COX7B2: variants seen among roughly 807,000 people sequenced by gnomAD.
The protein encoded by COX7B2 is cytochrome c oxidase subunit 7B2, mitochondrial.
For synonymous variants in COX7B2, 37 were observed against 32.1 expected (o/e 1.15, Z -0.51); for missense variants, 109 against 95.9 (o/e 1.14, Z -0.57).
chr4:46,871,689 T>C (rs1425516147), intron 1 of COX7B2, among the ~76,000 whole-genome samples: 2 of 150,546 alleles, frequency 1.3e-5, no homozygotes, highest in African/African-American at 4.9e-5. Context: ...CAGACACTTT[T>C]CAAAAGAAGA....
At chr4:46,855,225 G>T (rs1194997589) in intron 1 of COX7B2, among the ~76,000 whole-genome samples, 4 of 152,034 alleles carry the variant, frequency 2.6e-5, no homozygotes, top group Admixed American at 6.6e-5. Flanking sequence ...TACTCAGGAG[G>T]CTGAAGCAGG....
At chr4:46,767,266 C>T (rs1160390929) in intron 2 of COX7B2, among the ~76,000 whole-genome samples, 2 of 152,168 alleles carry the variant, frequency 1.3e-5, no homozygotes, top group East Asian at 3.9e-4. Flanking sequence ...GAAAGACAAA[C>T]AATGTTACTA....
chr4:46,806,160 C>A (rs868113856), intron 2 of COX7B2, among the ~76,000 whole-genome samples: 1 of 151,976 alleles, frequency 6.6e-6, no homozygotes, highest in Non-Finnish European at 1.5e-5. Context: ...TTTTAATGTA[C>A]TGGCCCTAAA....
chr4:46,854,824 C>G (rs1013801446), intron 1 of COX7B2, among the ~76,000 whole-genome samples: 2 of 151,968 alleles, frequency 1.3e-5, no homozygotes, highest in African/African-American at 4.8e-5. Context: ...AAATTAATGA[C>G]TTGAAAAGAG....
intron 2 of COX7B2, among the ~76,000 whole-genome samples, chr4:46,743,172 C>T (rs1714814213): frequency 6.6e-6 from 1 of 152,126 alleles, no homozygotes; most frequent in African/African-American, 2.4e-5. Flanking sequence ...TTCAAGTAGG[C>T]CCAACACATT....
At chr4:46,754,271 T>G (rs1468098307) in intron 2 of COX7B2, among the ~76,000 whole-genome samples, 1 of 151,700 alleles carries the variant, frequency 6.6e-6, no homozygotes, top group Non-Finnish European at 1.5e-5. Flanking sequence ...CACGTATGTT[T>G]ATTGCAGCAC....
chr4:46,761,865 G>A (rs1402248885), intron 2 of COX7B2, among the ~76,000 whole-genome samples: 4 of 151,452 alleles, frequency 2.6e-5, no homozygotes, highest in African/African-American at 7.3e-5. Context: ...AAATTCCACC[G>A]TCCATTAAGG....
intron 2 of COX7B2, among the ~76,000 whole-genome samples, chr4:46,754,259 C>G (rs1469648471): frequency 1.2e-4 from 18 of 151,648 alleles, no homozygotes; most frequent in African/African-American, 4.4e-4. Flanking sequence ...AAGACACATG[C>G]ACACGTATGT....
chr4:46,866,845 G>A (rs1717696949), intron 1 of COX7B2, among the ~76,000 whole-genome samples: 1 of 151,984 alleles, frequency 6.6e-6, no homozygotes, highest in Non-Finnish European at 1.5e-5. Flanking sequence ...TACCTGCTGT[G>A]GATATATTAA....
chr4:46,738,506 CA>C (rs1714506316), intron 2 of COX7B2, among the ~76,000 whole-genome samples: 1 of 152,058 alleles, frequency 6.6e-6, no homozygotes, highest in South Asian at 2.1e-4. Flanking sequence ...GCATCAGCTA[CA>C]TCCGTCTCAA....
chr4:46,796,305 T>A (rs1718339265), intron 2 of COX7B2, among the ~76,000 whole-genome samples: 1 of 148,384 alleles, frequency 6.7e-6, no homozygotes, highest in Non-Finnish European at 1.5e-5. Context: ...GCTTCCAGTT[T>A]TTGCCCATTT....
intron 2 of COX7B2, among the ~76,000 whole-genome samples, chr4:46,766,706 G>GAAAAAAAAAA (rs57884969): frequency 1.0e-5 from 1 of 96,588 alleles, no homozygotes; most frequent in African/African-American, 4.1e-5. Flanking sequence ...GTCTCGAAAA[G>GAAAAAAAAAA]AAAAAAAAAA....
intron 2 of COX7B2, among the ~76,000 whole-genome samples, chr4:46,786,235 G>C (rs1278301601): frequency 6.6e-6 from 1 of 152,072 alleles, no homozygotes; most frequent in Non-Finnish European, 1.5e-5. Context: ...ATTTACTTTT[G>C]CACCTAAAAT....
At position 46,904,365 on chromosome 4, in the gene COX7B2, T is replaced by A. The variant is rs1355584247; in HGVS notation, c.-105+4795A>T. 1.2e-4 allele frequency among the ~76,000 whole-genome samples: 18 copies of A among 152,040 alleles called. 1 individual carries two copies. The highest frequency in any genetic ancestry group is 1.1e-3 in the Admixed American group (17 of 15,270). Reference sequence around the variant, plus strand: ...AGAACTCAAATGGAGATAACAGTAATAAATTCCTAAAAATGGTCAAAAAAA... The same window carrying A: ...AGAACTCAAATGGAGATAACAGTAAAAAATTCCTAAAAATGGTCAAAAAAA... On this transcript the variant is annotated intron_variant, in intron 1 of 2. Transcript: ENST00000355591.
intron 2 of COX7B2, among the ~76,000 whole-genome samples, chr4:46,805,166 C>A (rs1199533121): frequency 6.6e-6 from 1 of 152,194 alleles, no homozygotes; most frequent in Non-Finnish European, 1.5e-5. Flanking sequence ...CCCACCCATG[C>A]CTCTCCCTCC....
chr4:46,830,662 A>G (rs1216769803), intron 2 of COX7B2, among the ~76,000 whole-genome samples: 4 of 152,188 alleles, frequency 2.6e-5, no homozygotes, highest in African/African-American at 9.6e-5. Context: ...TAATAGAAAA[A>G]CCTTGAAATC....
intron 2 of COX7B2, among the ~76,000 whole-genome samples, chr4:46,770,720 A>G (rs1716828190): frequency 1.3e-5 from 2 of 152,164 alleles, no homozygotes; most frequent in Non-Finnish European, 2.9e-5. Flanking sequence ...ATCACATAAA[A>G]TGATGAAATG....
intron 2 of COX7B2, among the ~76,000 whole-genome samples, chr4:46,809,752 T>C (rs1719192208): frequency 6.6e-6 from 1 of 151,958 alleles, no homozygotes; most frequent in Admixed American, 6.6e-5. Context: ...GTTCTGTATA[T>C]GTCTGCTAAG....
chr4:46,782,141 G>A (rs1560377280), intron 2 of COX7B2, among the ~76,000 whole-genome samples: 1 of 152,162 alleles, frequency 6.6e-6, no homozygotes, highest in African/African-American at 2.4e-5. Flanking sequence ...TGGGGACTTA[G>A]AGAACTTTTA....
Sources: allele counts gnomAD v4.1 joint callset (sites outside exome capture counted in the v4.1 genomes callset), GRCh38; gene constraint gnomAD v4.1.1; transcripts MANE v1.5; gene names NCBI Gene and HGNC (gene_info 2026-07-23, HGNC 2026-07-21).